Variants in OTULIN observed in about 807,000 individuals in gnomAD.
OTULIN encodes ubiquitin thioesterase otulin.
OTULIN carries 15 observed loss-of-function variants against 39.6 expected under a neutral mutation model. The ratio of observed to expected loss-of-function variants is 0.38; its 90% CI spans 0.25 to 0.58. The LOEUF is 0.58. OTULIN is among the 20% of genes least tolerant of loss of function. The probability of loss-of-function intolerance (pLI) is 0.66; values close to 1 mark genes in which losing one functional copy is unlikely to be tolerated. For missense variants in OTULIN, 319 were observed against 445.9 expected (o/e 0.72, Z 2.56); for synonymous variants, 156 against 170.3 (o/e 0.92, Z 0.65).
intron 4 of OTULIN, among the ~76,000 whole-genome samples, chr5:14,686,970 C>A (rs528414843): frequency 6.6e-6 from 1 of 152,316 alleles, no homozygotes; most frequent in South Asian, 2.1e-4. Context: ...GACATAGTAT[C>A]ATTTCTCTGA....
chr5:14,709,911 TTAAAA>T, the OTULIN span: 1 of 152,566 alleles, frequency 6.6e-6, no homozygotes, highest in Non-Finnish European at 1.5e-5. Context: ...ATTTATATCT[TTAAAA>T]TATTTTTTTT....
At chr5:14,665,388 G>C (rs1735809341) in intron 1 of OTULIN, among the ~76,000 whole-genome samples, 1 of 152,220 alleles carries the variant, frequency 6.6e-6, no homozygotes, top group Non-Finnish European at 1.5e-5. Flanking sequence ...ACTTGTTCTT[G>C]GAGGCGACGT....
In OTULIN at chr5:14,678,533, T is replaced by C. The variant is rs865968025; in HGVS notation, c.230-148T>C. On this transcript the variant is annotated intron_variant, in intron 2 of 6. Transcript: ENST00000284274. ...ATCTAGGGGTGAGGTGATGGTGGTC[T>C]GGACCAGCGGTTAGGCAGTGGTTGA... is the stretch of plus-strand genomic sequence containing the variant. The C allele has an allele frequency of 5.1e-6, 3 of 590,836 alleles. No homozygotes were observed. The South Asian group carries it at 6.9e-5, about 14-fold the overall frequency. 36.6% of individuals were successfully genotyped at this position (590,836 alleles called of 1,614,324 possible).
the OTULIN span, chr5:14,704,954 G>A: frequency 6.6e-6 from 1 of 152,146 alleles, no homozygotes; most frequent in African/African-American, 2.4e-5. Flanking sequence ...GATACATAAA[G>A]AGCACTTCCT....
chr5:14,687,431 T>C lies in OTULIN; in HGVS notation c.469-90T>C, dbSNP rs368797795. The C allele has an allele frequency of 8.2e-5, 118 of 1,439,822 alleles. No homozygotes were observed. In the East Asian group the frequency reaches 1.7e-3, roughly 21 times the overall value. 89.2% of individuals were successfully genotyped at this position (1,439,822 alleles called of 1,614,324 possible). A position where few individuals can be genotyped will look rare whatever the true frequency, so the allele number is the denominator to read the frequency against. On this transcript the variant is annotated intron_variant, in intron 4 of 6. Coordinates refer to ENST00000284274, the MANE Select transcript of OTULIN (RefSeq NM_138348.6). ...ATTCTGGAAACAAAGTTAGGTTTTA[T>C]AGACTTTGTGGTTTCTTACAGCTTG...
rs1736499753 is a variant in OTULIN at position 14,690,572 on chromosome 5, G to C, written c.864+264G>C. Among the ~76,000 whole-genome samples, 1 of 152,152 alleles carries C rather than the reference G, an allele frequency of 6.6e-6. No individual in the cohort carries two copies. Among genetic ancestry groups the C allele is most frequent in the South Asian group, 2.1e-4 (1 of 4,828 alleles). Reference sequence around the variant, plus strand: ...GTTCCTTACTGGTAGTTAGTAGGAGGGTTCAGTTCTTCACACATAGGCCTC... The same window carrying C: ...GTTCCTTACTGGTAGTTAGTAGGAGCGTTCAGTTCTTCACACATAGGCCTC... On this transcript the variant is annotated intron_variant, in intron 6 of 6. Transcript: ENST00000284274. The surrounding 1 kb of genome is among the most constrained non-coding windows in gnomAD (Gnocchi z 4.5).
In OTULIN at chr5:14,664,951, G is replaced by A. The variant is rs1735792419; in HGVS notation, c.126G>A (p.Arg42=). The change falls in exon 1 of 7, where the codon CGG becomes CGA. Residue 42 remains arginine (R), a synonymous_variant. Coordinates refer to ENST00000284274, the MANE Select transcript of OTULIN (RefSeq NM_138348.6). ...AGGCGGCGGCCAGCGGGCAGCCGCG[G>A]CCCGAGATGCAGTGCCCGGCCGAGC... ...GGKAAASGQP[R]PEMQCPAEHE... The A allele has an allele frequency of 5.4e-6, 6 of 1,113,798 alleles. No individual in the cohort carries two copies. In the South Asian group the frequency reaches 1.3e-4, roughly 24 times the overall value. The allele number at this position is 1,113,798 out of a possible 1,614,324, so 69.0% of individuals were successfully genotyped here. A position where few individuals can be genotyped will look rare whatever the true frequency, so the allele number is the denominator to read the frequency against.
chr5:14,709,059 A>C, the OTULIN span: 1 of 152,194 alleles, frequency 6.6e-6, no homozygotes, highest in Non-Finnish European at 1.5e-5. Context: ...ACCCCCAGCT[A>C]ATTTTTATGT....
At chr5:14,679,497 C>G (rs1291249282) in intron 3 of OTULIN, among the ~76,000 whole-genome samples, 1 of 152,158 alleles carries the variant, frequency 6.6e-6, no homozygotes, top group Non-Finnish European at 1.5e-5. Flanking sequence ...CCTCTTGAAA[C>G]CTCTGGGTTT....
chr5:14,693,238 A>ATC lies in OTULIN; in HGVS notation c.*192_*193dup. On this transcript the variant is annotated 3_prime_UTR_variant, in exon 7 of 7. Transcript: ENST00000284274. ...AGAAATTAACCAAGTCTTTCCCCTCATCTATGATGCAATATATTTCAGTGG... is the reference window on the plus strand; with the variant it reads ...AGAAATTAACCAAGTCTTTCCCCTCATCTCTATGATGCAATATATTTCAGTGG... The ATC allele has an allele frequency of 1.8e-6, 1 of 562,984 alleles. No homozygotes were observed. 34.9% of individuals were successfully genotyped at this position (562,984 alleles called of 1,614,324 possible). A position where few individuals can be genotyped will look rare whatever the true frequency, so the allele number is the denominator to read the frequency against.
intron 4 of OTULIN, among the ~76,000 whole-genome samples, chr5:14,684,780 CTGAG>C (rs1204375796): frequency 1.3e-5 from 2 of 152,234 alleles, no homozygotes; most frequent in Non-Finnish European, 2.9e-5. Flanking sequence ...GAAAGCTAGA[CTGAG>C]TGACCCTCCC....
chr5:14,685,022 C>T (rs140629964), intron 4 of OTULIN, among the ~76,000 whole-genome samples: 116 of 152,308 alleles, frequency 7.6e-4, no homozygotes, highest in African/African-American at 2.6e-3. Context: ...ATCATCTGAC[C>T]CTCACCCCAG....
In OTULIN at chr5:14,690,352, C is replaced by G. The variant is rs1220283404; in HGVS notation, c.864+44C>G. 6.3e-7 allele frequency: 1 copy of G among 1,585,630 alleles called. No individual in the cohort carries two copies. The highest frequency in any genetic ancestry group is 1.8e-5 in the Admixed American group (1 of 55,112). On this transcript the variant is annotated intron_variant, in intron 6 of 6. Transcript: ENST00000284274. This position sits in a 1 kb window ranked among gnomAD's most constrained non-coding sequence, Gnocchi z 4.5. Reference sequence around the variant, plus strand: ...CATGTATTACCCCAAAATAAAGCAGCTTTACTGATCAAACTTGATGTCACA... The same window carrying G: ...CATGTATTACCCCAAAATAAAGCAGGTTTACTGATCAAACTTGATGTCACA...
rs569291350 is a variant in OTULIN, at chr5:14,664,870, G to T, written c.45G>T (p.Ala15=). Residue 15 remains alanine (A), a synonymous_variant, in exon 1 of 7, where the codon GCG becomes GCT. Transcript: ENST00000284274. The part of the protein sequence containing the change: ...TMPQPEAWPG[A]SCAETPAREA... ...CCCAGCCCGAAGCGTGGCCAGGCGCGAGCTGCGCCGAGACGCCGGCGCGGG... is the reference window on the plus strand; with the variant it reads ...CCCAGCCCGAAGCGTGGCCAGGCGCTAGCTGCGCCGAGACGCCGGCGCGGG... 15 of 1,199,780 alleles carry T rather than the reference G, an allele frequency of 1.3e-5. No individual in the cohort carries two copies. The African/African-American group carries it at 2.2e-4, about 18-fold the overall frequency. The allele number at this position is 1,199,780 out of a possible 1,614,324, so 74.3% of individuals were successfully genotyped here.
At position 14,673,826 on chromosome 5, in the gene OTULIN, A is replaced by G. The variant is rs540329992; in HGVS notation, c.229+108A>G. 67 of 883,740 alleles carry G rather than the reference A, an allele frequency of 7.6e-5. No homozygotes were observed. The East Asian group carries it at 1.7e-3, about 22-fold the overall frequency. The allele number at this position is 883,740 out of a possible 1,614,324, so 54.7% of individuals were successfully genotyped here. A position where few individuals can be genotyped will look rare whatever the true frequency, so the allele number is the denominator to read the frequency against. Reference sequence around the variant, plus strand: ...AAATATCAATAAAATATTCTTATGTATATGGTCTTATCTACATTGATTGTT... The same window carrying G: ...AAATATCAATAAAATATTCTTATGTGTATGGTCTTATCTACATTGATTGTT... On this transcript the variant is annotated intron_variant, in intron 2 of 6. Coordinates refer to ENST00000284274, the MANE Select transcript of OTULIN (RefSeq NM_138348.6).
intron 5 of OTULIN, among the ~76,000 whole-genome samples, chr5:14,688,614 C>T (rs1736446261): frequency 6.6e-6 from 1 of 152,160 alleles, no homozygotes; most frequent in African/African-American, 2.4e-5. Flanking sequence ...GAAATGTTTA[C>T]TGGAAAATAT....
chr5:14,688,025 A>C (rs1561000687), intron 5 of OTULIN: 2 of 153,856 alleles, frequency 1.3e-5, no homozygotes, highest in African/African-American at 4.8e-5. Flanking sequence ...ATGTTTTAAG[A>C]TTCTGCCCAT....
intron 1 of OTULIN, among the ~76,000 whole-genome samples, chr5:14,671,504 C>G (rs910872867): frequency 1.3e-5 from 2 of 152,164 alleles, no homozygotes; most frequent in Non-Finnish European, 2.9e-5. Context: ...TTTTATAAAG[C>G]CAGGAAAGGG....
rs768236056 is a variant in OTULIN, at chr5:14,697,558, T to C, written c.*4510T>C. On this transcript the variant is annotated 3_prime_UTR_variant, in exon 7 of 7. Transcript: ENST00000284274. ...TGGGTTTTGGTATGTATAATGGAAA[T>C]AGATAGAGTGGTTAAGTCTAGAAAC... 1 of 152,104 alleles carries C rather than the reference T, an allele frequency of 6.6e-6. No homozygotes were observed. The highest frequency in any genetic ancestry group is 2.4e-5 in the African/African-American group (1 of 41,408). 9.4% of individuals were successfully genotyped at this position (152,104 alleles called of 1,614,324 possible). A position where few individuals can be genotyped will look rare whatever the true frequency, so the allele number is the denominator to read the frequency against.
Sources: allele counts gnomAD v4.1 joint callset (sites outside exome capture counted in the v4.1 genomes callset), GRCh38; gene constraint gnomAD v4.1.1; non-coding constraint Gnocchi (gnomAD v3.1); transcripts MANE v1.5; gene names NCBI Gene and HGNC (gene_info 2026-07-23, HGNC 2026-07-21).